The following RANBP10 variants were observed in gnomAD, a reference collection of about 807,000 sequenced individuals.
RANBP10 encodes RAN binding protein 10.
Under a neutral mutation model 72.8 loss-of-function variants are expected in RANBP10, and 24 were observed. The observed-to-expected ratio is 0.33, with a 90% CI of 0.24 to 0.46. The LOEUF (loss-of-function observed/expected upper bound fraction) is 0.46. RANBP10 is among the 20% of genes least tolerant of loss of function. The probability of loss-of-function intolerance (pLI) is 1.00; values close to 1 mark genes in which losing one functional copy is unlikely to be tolerated. For missense variants in RANBP10, 679 were observed against 817.5 expected, an observed-to-expected ratio of 0.83 and a Z score of 2.07; for synonymous variants, 310 against 322.3, an observed-to-expected ratio of 0.96 and a Z score of 0.41.
At chr16:67,798,971 G>A (rs2055182823) in intron 2 of RANBP10, among the ~76,000 whole-genome samples, 1 of 152,196 alleles carries the variant, frequency 6.6e-6, no homozygotes, top group South Asian at 2.1e-4. Context: ...TGTCACCCAG[G>A]CTGGAGAGCA....
In RANBP10 at chr16:67,772,076, T is replaced by G. The variant is rs201928701; in HGVS notation, c.358A>C (p.Ile120Leu). 3.1e-6 allele frequency: 5 copies of G among 1,593,920 alleles called. No homozygotes were observed. The highest frequency in any genetic ancestry group is 2.2e-5 in the East Asian group (1 of 44,722). The change falls in exon 3 of 14, where the codon ATA becomes CTA. Residue 120 changes from isoleucine (I) to leucine (L), a missense_variant. By Grantham distance (5) the Ile-to-Leu change is conservative. Coordinates refer to ENST00000317506, the MANE Select transcript of RANBP10 (RefSeq NM_020850.3). ...VSKGRDGYMGIGLSAQGVNMN... is the reference protein window; with the variant it reads ...VSKGRDGYMGLGLSAQGVNMN... ...TTGACGCCTTGAGCCGAGAGTCCTA[T>G]TCCCATGTAACTTCAAAAAAAAAAA...
chr16:67,763,522 G>A (rs942764817), intron 3 of RANBP10: 1 of 152,216 alleles, frequency 6.6e-6, no homozygotes, highest in Non-Finnish European at 1.5e-5. Flanking sequence ...AGGGTGCAAT[G>A]AGCGGAGTGG....
chr16:67,751,627 A>C (rs1328372629), intron 3 of RANBP10, among the ~76,000 whole-genome samples: 1 of 152,164 alleles, frequency 6.6e-6, no homozygotes, highest in Non-Finnish European at 1.5e-5. Flanking sequence ...GTTGTCTCAA[A>C]AAAAAAGGCC....
intron 2 of RANBP10, among the ~76,000 whole-genome samples, chr16:67,793,305 G>C (rs1456202375): frequency 3.5e-5 from 5 of 143,780 alleles, no homozygotes; most frequent in Non-Finnish European, 6.1e-5. Flanking sequence ...TGGCTGGCTT[G>C]TAATTTTTTT....
At chr16:67,765,664 A>G (rs2054488098) in intron 3 of RANBP10, among the ~76,000 whole-genome samples, 1 of 151,616 alleles carries the variant, frequency 6.6e-6, no homozygotes. Context: ...GTGAGACCCC[A>G]TCTCTACTAA....
At chr16:67,760,532 C>T (rs552666479) in intron 3 of RANBP10, among the ~76,000 whole-genome samples, 4 of 152,190 alleles carry the variant, frequency 2.6e-5, no homozygotes, top group African/African-American at 7.2e-5. Context: ...TGATCAGGAC[C>T]ATCCTGTGGA....
chr16:67,780,518 C>T (rs551685647), intron 2 of RANBP10, among the ~76,000 whole-genome samples: 3 of 152,082 alleles, frequency 2.0e-5, no homozygotes, highest in South Asian at 2.1e-4. Context: ...GAGGCCAAGG[C>T]GGGAAGATCA....
At position 67,724,597 on chromosome 16, in the gene RANBP10, A is replaced by G. The variant is rs1282634972; in HGVS notation, c.*1831T>C. ...GTCTATGGGTCTGCCAGCCCCAAGG[A>G]CCAAGAAAAAGCAGCAGCTATAGGA... On this transcript the variant is annotated 3_prime_UTR_variant, in exon 14 of 14. Transcript: ENST00000317506. 1 of 152,256 alleles carries G rather than the reference A, an allele frequency of 6.6e-6. No individual in the cohort carries two copies. The highest frequency in any genetic ancestry group is 2.4e-5 in the African/African-American group (1 of 41,454). The allele number at this position is 152,256 out of a possible 1,614,324, so 9.4% of individuals were successfully genotyped here.
chr16:67,726,599 G>C (rs1474322854), intron 13 of RANBP10, 41 bp from the exon 14 acceptor site: 1 of 1,525,266 alleles, frequency 6.6e-7, no homozygotes, highest in East Asian at 2.5e-5. Flanking sequence ...GCCTGCCCAG[G>C]GCTTGGGCCC....
chr16:67,755,932 G>A (rs2054278874), intron 3 of RANBP10, among the ~76,000 whole-genome samples: 1 of 152,210 alleles, frequency 6.6e-6, no homozygotes, highest in African/African-American at 2.4e-5. Flanking sequence ...TCTATGCCCG[G>A]CCATGTCAGG....
chr16:67,788,825 C>G (rs1458032858), intron 2 of RANBP10, among the ~76,000 whole-genome samples: 2 of 146,496 alleles, frequency 1.4e-5, no homozygotes, highest in African/African-American at 2.6e-5. Flanking sequence ...ACATGGTGAA[C>G]TCCATCTCTA....
At chr16:67,743,964 C>G (rs1030892257) in intron 4 of RANBP10, among the ~76,000 whole-genome samples, 1 of 152,190 alleles carries the variant, frequency 6.6e-6, no homozygotes, top group Admixed American at 6.5e-5. Flanking sequence ...ACCACCACCA[C>G]GCAACCTATG....
In RANBP10 at chr16:67,730,635, G is replaced by A. The variant is rs553345188; in HGVS notation, c.890-589C>T. Among the ~76,000 whole-genome samples, 1 of 152,142 alleles carries A rather than the reference G, an allele frequency of 6.6e-6. No individual in the cohort carries two copies. Among genetic ancestry groups the A allele is most frequent in the Non-Finnish European group, 1.5e-5 (1 of 68,012 alleles). On this transcript the variant is annotated intron_variant, in intron 7 of 13. Transcript: ENST00000317506. This position sits in a 1 kb window ranked among gnomAD's most constrained non-coding sequence, Gnocchi z 4.3. ...CTGCTGCCTTTTCGCTCTTGCCGTG[G>A]GGCCTGGTGCATCTCGCTGGGAGCA... is the stretch of plus-strand genomic sequence containing the variant.
Position 67,737,368 on chromosome 16 carries a change from CTT to C in RANBP10, c.591+643_591+644del, listed in dbSNP as rs377346713. ...GGCGCCTGCAACCAGGCCCGGCTAA[CTT>C]TTTTTGTATTTTTAGTAGAGACAGG... On this transcript the variant is annotated intron_variant, in intron 5 of 13. Transcript: ENST00000317506. Among the ~76,000 whole-genome samples, 142 of 151,656 alleles carry C rather than the reference CTT, an allele frequency of 9.4e-4. 1 individual carries two copies. The highest frequency in any genetic ancestry group is 3.0e-3 in the African/African-American group (124 of 41,366).
chr16:67,751,981 TA>T (rs559888877), intron 3 of RANBP10, among the ~76,000 whole-genome samples: 326 of 144,374 alleles, frequency 2.3e-3, no homozygotes, highest in Admixed American at 5.1e-3. Context: ...AGAGCTCAAT[TA>T]AAAAAAAAAA....
intron 5 of RANBP10, among the ~76,000 whole-genome samples, chr16:67,737,761 C>G (rs2053883086): frequency 1.3e-5 from 2 of 152,120 alleles, no homozygotes. Flanking sequence ...CCGCCCCAGC[C>G]CCACAGCTGC....
chr16:67,805,284 G>A (rs1281966587), intron 2 of RANBP10, 144 bp downstream of exon 2: 13 of 622,924 alleles, frequency 2.1e-5, no homozygotes, highest in Admixed American at 8.9e-5. Flanking sequence ...ACCAGACCAT[G>A]CCCACAGTCA....
intron 2 of RANBP10, among the ~76,000 whole-genome samples, chr16:67,773,440 T>A (rs1209259264): frequency 6.6e-6 from 1 of 152,170 alleles, no homozygotes; most frequent in African/African-American, 2.4e-5. Flanking sequence ...TTCTTTATAG[T>A]AATATAAAAA....
intron 4 of RANBP10, among the ~76,000 whole-genome samples, chr16:67,741,549 A>C (rs111548376): frequency 0.011 from 1,637 of 152,284 alleles, 36 homozygotes; most frequent in African/African-American, 0.038. Context: ...GAACATAAAG[A>C]CCTTGTGGGA....
Sources: gnomAD v4.1 joint callset for allele counts (sites outside exome capture counted in the v4.1 genomes callset) on GRCh38, gnomAD v4.1.1 for gene constraint, Gnocchi (gnomAD v3.1) non-coding constraint, MANE v1.5 for transcripts, NCBI Gene and HGNC (gene_info 2026-07-23, HGNC 2026-07-21) for gene names.